AXDND1: variants seen among roughly 807,000 people sequenced by gnomAD.
AXDND1 encodes axonemal dynein light chain domain containing 1, also known as axonemal dynein light chain domain-containing protein 1.
A neutral mutation model predicts 137.5 loss-of-function variants in AXDND1; 110 were observed. The ratio of observed to expected loss-of-function variants is 0.80; its 90% CI spans 0.69 to 0.94. The LOEUF (loss-of-function observed/expected upper bound fraction) is 0.94, where lower values mean the gene tolerates loss of function less well. Ranked by LOEUF, AXDND1 falls within the 40% of genes least tolerant of loss-of-function variation. AXDND1 has a pLI of 0.00. For synonymous variants in AXDND1, 414 were observed against 399.7 expected (o/e 1.04, Z -0.43); for missense variants, 1,191 against 1,169.8 (o/e 1.02, Z -0.26).
intron 20 of AXDND1, among the ~76,000 whole-genome samples, chr1:179,501,566 G>A (rs1668000896): frequency 1.3e-5 from 2 of 152,102 alleles, no homozygotes; most frequent in African/African-American, 4.8e-5. Flanking sequence ...AAAAAAATTA[G>A]CCAGGTGTGG....
At chr1:179,533,774 A>C (rs1440811139) in intron 23 of AXDND1, 21 bp from the exon 24 acceptor site, 6 of 1,562,688 alleles carry the variant, frequency 3.8e-6, no homozygotes, top group African/African-American at 1.4e-5. Flanking sequence ...GTTCATTCAT[A>C]TCTCATATTT....
chr1:179,461,862 A>C (rs1425416779), intron 16 of AXDND1, among the ~76,000 whole-genome samples: 2 of 152,140 alleles, frequency 1.3e-5, no homozygotes, highest in Non-Finnish European at 2.9e-5. Flanking sequence ...TTATTGGTGT[A>C]TAGTAATGCT....
intron 17 of AXDND1, among the ~76,000 whole-genome samples, chr1:179,476,833 A>C (rs1664698923): frequency 6.6e-6 from 1 of 151,950 alleles, no homozygotes; most frequent in Non-Finnish European, 1.5e-5. Context: ...AAGTTTGTAG[A>C]CCTCTTTGTA....
chr1:179,394,884 C>G (rs1298987491), intron 10 of AXDND1, among the ~76,000 whole-genome samples: 1 of 152,114 alleles, frequency 6.6e-6, no homozygotes, highest in Non-Finnish European at 1.5e-5. Flanking sequence ...TTATTTCTGT[C>G]TGATTCCTGC....
chr1:179,486,139 A>AAAAAAAACT (rs149119239), intron 18 of AXDND1, among the ~76,000 whole-genome samples: 608 of 87,566 alleles, frequency 6.9e-3, no homozygotes, highest in East Asian at 0.027. Flanking sequence ...AAAAAAAAAA[A>AAAAAAAACT]AACCTGATAG....
At chr1:179,422,971 C>A (rs1656001794) in intron 12 of AXDND1, among the ~76,000 whole-genome samples, 2 of 151,990 alleles carry the variant, frequency 1.3e-5, no homozygotes, top group South Asian at 2.1e-4. Context: ...ACCATGTTGG[C>A]CAGGCTGGTC....
chr1:179,488,963 G>T (rs2125568441), intron 18 of AXDND1, among the ~76,000 whole-genome samples: 1 of 146,522 alleles, frequency 6.8e-6, no homozygotes, highest in Non-Finnish European at 1.5e-5. Flanking sequence ...TTGAACTCCT[G>T]ACCTCATGAT....
chr1:179,386,238 C>A (rs986667615), intron 9 of AXDND1, among the ~76,000 whole-genome samples: 2 of 151,686 alleles, frequency 1.3e-5, no homozygotes, highest in African/African-American at 4.8e-5. Flanking sequence ...TTAGTAGAGA[C>A]GGGGTTTCAC....
Position 179,459,847 on chromosome 1 carries a change from CTTCCTTCCTTTCT to C in AXDND1, c.1799-8580_1799-8568del, listed in dbSNP as rs1022037962. Among the ~76,000 whole-genome samples, 12 of 131,082 alleles carry C rather than the reference CTTCCTTCCTTTCT, an allele frequency of 9.2e-5. No individual in the cohort carries two copies. In the South Asian group the frequency reaches 9.4e-4, roughly 10 times the overall value. The allele number at this position is 131,082 out of a possible 152,430, so 86.0% of individuals were successfully genotyped here. On this transcript the variant is annotated intron_variant, in intron 16 of 25. Transcript: ENST00000367618. ...TTTTTCTTTTCTTTTCTTTCCCTTC[CTTCCTTCCTTTCT>C]TTCCTTCCTTTCTTTTCTTTTCTCT...
At chr1:179,403,419 A>G (rs907793838) in intron 11 of AXDND1, among the ~76,000 whole-genome samples, 1 of 152,168 alleles carries the variant, frequency 6.6e-6, no homozygotes, top group Non-Finnish European at 1.5e-5. Context: ...CAGCATTACT[A>G]CTGACACTTC....
intron 16 of AXDND1, among the ~76,000 whole-genome samples, chr1:179,459,190 G>A (rs577819713): frequency 9.9e-5 from 15 of 152,076 alleles, no homozygotes; most frequent in Admixed American, 2.0e-4. Context: ...TACCTATAAT[G>A]TCCAGGCCGA....
intron 23 of AXDND1, among the ~76,000 whole-genome samples, chr1:179,532,744 G>C (rs1252292904): frequency 6.6e-6 from 1 of 151,828 alleles, no homozygotes; most frequent in Non-Finnish European, 1.5e-5. Context: ...AACTGGCTGG[G>C]CATGGTGGTG....
intron 7 of AXDND1, 120 bp downstream of exon 7, chr1:179,382,876 G>C (rs1054513238): frequency 3.1e-6 from 2 of 647,034 alleles, no homozygotes; most frequent in African/African-American, 3.7e-5. Flanking sequence ...GGCAATAATT[G>C]CCTACAAGTT....
At chr1:179,500,337 ATGTGTGTG>A (rs57654195) in intron 20 of AXDND1, among the ~76,000 whole-genome samples, 1,488 of 133,864 alleles carry the variant, frequency 0.011, 30 homozygotes, top group African/African-American at 0.037. Flanking sequence ...AGGGTACATT[ATGTGTGTG>A]TGTGTGTGTG....
intron 16 of AXDND1, among the ~76,000 whole-genome samples, chr1:179,464,936 A>G (rs994375903): frequency 2.0e-5 from 3 of 152,136 alleles, no homozygotes; most frequent in African/African-American, 7.2e-5. Flanking sequence ...TGCATCACGT[A>G]GTTCTTATGC....
At chr1:179,511,641 G>A (rs1669074410) in intron 21 of AXDND1, among the ~76,000 whole-genome samples, 1 of 152,236 alleles carries the variant, frequency 6.6e-6, no homozygotes, top group East Asian at 1.9e-4. Flanking sequence ...TCTCCACACT[G>A]TTTTCCATAG....
chr1:179,383,428 C>T lies in AXDND1; in HGVS notation c.639-14C>T. 6.3e-7 allele frequency: 1 copy of T among 1,598,280 alleles called. No homozygotes were observed. The highest frequency in any genetic ancestry group is 8.6e-7 in the Non-Finnish European group (1 of 1,166,172). On this transcript the variant is annotated splice_polypyrimidine_tract_variant and intron_variant, in intron 7 of 25. Transcript: ENST00000367618. ...CAATGTTAATTGCATAAGTCTGCCA[C>T]CTTAATTTTTTAGGAAACCTAATAA...
At chr1:179,394,921 C>G (rs533191827) in intron 10 of AXDND1, among the ~76,000 whole-genome samples, 177 bp from the exon 11 acceptor site, 2 of 152,200 alleles carry the variant, frequency 1.3e-5, no homozygotes, top group East Asian at 3.9e-4. Flanking sequence ...CCAAACCTGG[C>G]AAGATTCCAT....
intron 21 of AXDND1, among the ~76,000 whole-genome samples, chr1:179,513,542 T>G (rs1442706008): frequency 6.6e-6 from 1 of 152,122 alleles, no homozygotes; most frequent in Non-Finnish European, 1.5e-5. Context: ...AGATATGTCC[T>G]TTCCTGGTTT....
Sources: gnomAD v4.1 joint callset for allele counts (sites outside exome capture counted in the v4.1 genomes callset) on GRCh38, gnomAD v4.1.1 for gene constraint, MANE v1.5 for transcripts, NCBI Gene and HGNC (gene_info 2026-07-23, HGNC 2026-07-21) for gene names.